The following TAFA2 variants were observed in gnomAD, a reference collection of about 807,000 sequenced individuals.
The protein encoded by TAFA2 is TAFA chemokine like family member 2, also known as chemokine-like protein TAFA-2.
TAFA2 carries 7 observed loss-of-function variants against 18.8 expected under a neutral mutation model. That is an observed-to-expected ratio of 0.37 (90% CI 0.21 to 0.70). The LOEUF (loss-of-function observed/expected upper bound fraction) is 0.70. Ranked by LOEUF, TAFA2 falls within the 30% of genes least tolerant of loss-of-function variation. The probability of loss-of-function intolerance (pLI) is 0.53; values close to 1 mark genes in which losing one functional copy is unlikely to be tolerated. For missense variants in TAFA2, 122 were observed against 158.1 expected (o/e 0.77, Z 1.23); for synonymous variants, 60 against 54.2 (o/e 1.11, Z -0.47).
intron 1 of TAFA2, among the ~76,000 whole-genome samples, chr12:62,037,086 C>G (rs1416066153): frequency 5.3e-5 from 8 of 152,112 alleles, no homozygotes; most frequent in Non-Finnish European, 1.2e-4. Flanking sequence ...TTGCTATGTA[C>G]CTGCTTATTT....
At chr12:62,081,003 C>T (rs527367658) in intron 1 of TAFA2, among the ~76,000 whole-genome samples, 1 of 152,076 alleles carries the variant, frequency 6.6e-6, no homozygotes, top group African/African-American at 2.4e-5. Context: ...GACCATTCTG[C>T]CTGACACGGT....
At chr12:62,171,553 C>T (rs1027412423) in intron 1 of TAFA2, among the ~76,000 whole-genome samples, 3 of 152,134 alleles carry the variant, frequency 2.0e-5, no homozygotes, top group Non-Finnish European at 2.9e-5. Flanking sequence ...AATGAGGGCA[C>T]ATGGGATTAG....
intron 1 of TAFA2, among the ~76,000 whole-genome samples, chr12:62,043,014 T>G (rs1397574097): frequency 6.6e-6 from 1 of 152,302 alleles, no homozygotes; most frequent in South Asian, 2.1e-4. Flanking sequence ...GGGATAGAGA[T>G]GTCAGCCACA....
chr12:62,192,337 A>G lies in TAFA2; in HGVS notation c.-1080T>C, dbSNP rs1283668319. ...CACCACCGAGGAGGTGCGAGTTCCA[A>G]CATCGAACACAAGCGAGCAGGTGTC... On this transcript the variant is annotated 5_prime_UTR_variant, in exon 1 of 5. Transcript: ENST00000416284. The G allele has an allele frequency of 6.6e-6, 1 of 152,228 alleles. No individual in the cohort carries two copies. The highest frequency in any genetic ancestry group is 1.9e-4 in the East Asian group (1 of 5,178). The allele number at this position is 152,228 out of a possible 1,614,324, so 9.4% of individuals were successfully genotyped here. A position where few individuals can be genotyped will look rare whatever the true frequency, so the allele number is the denominator to read the frequency against.
At chr12:62,243,720 GT>G (rs752320590) in intron 1 of TAFA2, among the ~76,000 whole-genome samples, 3 of 152,266 alleles carry the variant, frequency 2.0e-5, no homozygotes, top group East Asian at 3.9e-4. Context: ...ATCAAACAAA[GT>G]TAAGACACGA....
chr12:62,009,983 T>C (rs1055711132), intron 1 of TAFA2, among the ~76,000 whole-genome samples: 3 of 152,176 alleles, frequency 2.0e-5, no homozygotes, highest in African/African-American at 7.2e-5. Flanking sequence ...CAGAAAAGAA[T>C]AAAGGAGACT....
At chr12:61,772,421 A>C (rs1401926904) in intron 2 of TAFA2, among the ~76,000 whole-genome samples, 1 of 151,942 alleles carries the variant, frequency 6.6e-6, no homozygotes, top group Admixed American at 6.6e-5. Flanking sequence ...AAAGGACATA[A>C]CTAAAAAAGA....
intron 2 of TAFA2, among the ~76,000 whole-genome samples, chr12:61,773,800 C>T (rs998540137): frequency 1.3e-5 from 2 of 151,694 alleles, no homozygotes; most frequent in Admixed American, 1.3e-4. Flanking sequence ...TTAGGCAAAG[C>T]GTTCATGACC....
At chr12:61,769,605 A>T (rs1592376940) in intron 2 of TAFA2, among the ~76,000 whole-genome samples, 1 of 152,028 alleles carries the variant, frequency 6.6e-6, no homozygotes, top group South Asian at 2.1e-4. Context: ...GGAGCCCAGT[A>T]GCTCCAATGG....
At chr12:62,207,936 C>T (rs1423420658) in intron 1 of TAFA2, among the ~76,000 whole-genome samples, 2 of 152,176 alleles carry the variant, frequency 1.3e-5, no homozygotes, top group African/African-American at 4.8e-5. Context: ...CTTAATCCTC[C>T]TTCAATCCCA....
intron 1 of TAFA2, among the ~76,000 whole-genome samples, chr12:61,976,498 T>C (rs150807116): frequency 6.6e-6 from 1 of 152,108 alleles, no homozygotes; most frequent in Admixed American, 6.6e-5. Flanking sequence ...AGGCATTTAT[T>C]TTGAATCCAA....
intron 1 of TAFA2, among the ~76,000 whole-genome samples, chr12:62,000,974 G>T (rs894803104): frequency 1.3e-5 from 2 of 152,150 alleles, no homozygotes; most frequent in African/African-American, 4.8e-5. Flanking sequence ...GAAGTAAAAA[G>T]CCACAGGACC....
At chr12:61,790,700 G>T (rs542618426) in intron 2 of TAFA2, among the ~76,000 whole-genome samples, 1 of 151,920 alleles carries the variant, frequency 6.6e-6, no homozygotes, top group South Asian at 2.1e-4. Flanking sequence ...AAATGCAGAT[G>T]AAAGCAACTG....
intron 1 of TAFA2, among the ~76,000 whole-genome samples, chr12:61,942,513 G>A (rs1878079797): frequency 7.0e-6 from 1 of 142,620 alleles, no homozygotes; most frequent in East Asian, 2.1e-4. Context: ...CTGAGCTATG[G>A]GAGGACATTC....
rs987984482 is a variant in TAFA2, at chr12:62,192,205, C to G, written c.-948G>C. 1 of 152,364 alleles carries G rather than the reference C, an allele frequency of 6.6e-6. No individual in the cohort carries two copies. Among genetic ancestry groups the G allele is most frequent in the African/African-American group, 2.4e-5 (1 of 41,442 alleles). The allele number at this position is 152,364 out of a possible 1,614,324, so 9.4% of individuals were successfully genotyped here. On this transcript the variant is annotated 5_prime_UTR_variant, in exon 1 of 5. Coordinates refer to ENST00000416284, the MANE Select transcript of TAFA2 (RefSeq NM_178539.5). ...AGCCCCTCAATCCCGCCTCGAAGTGCTGCGGGCAGAGCCCCACGCAGCCCA... is the reference window on the plus strand; with the variant it reads ...AGCCCCTCAATCCCGCCTCGAAGTGGTGCGGGCAGAGCCCCACGCAGCCCA...
intron 1 of TAFA2, among the ~76,000 whole-genome samples, chr12:62,130,179 C>CCTGAGGGA (rs1266705949): frequency 6.6e-6 from 1 of 151,888 alleles, no homozygotes; most frequent in Non-Finnish European, 1.5e-5. Flanking sequence ...TGACTGGAGG[C>CCTGAGGGA]CTGAGGGACT....
chr12:62,114,458 C>T (rs1463770133), intron 1 of TAFA2, among the ~76,000 whole-genome samples: 3 of 152,160 alleles, frequency 2.0e-5, no homozygotes, highest in Non-Finnish European at 4.4e-5. Context: ...CAGGTCCCCT[C>T]ATAAAACTTT....
chr12:61,955,049 C>T (rs1403000468), intron 1 of TAFA2, among the ~76,000 whole-genome samples: 3 of 151,998 alleles, frequency 2.0e-5, no homozygotes, highest in Non-Finnish European at 4.4e-5. Context: ...ATATTGAAGT[C>T]TTGATATGGT....
At chr12:62,224,548 A>G (rs1461475503) in intron 1 of TAFA2, among the ~76,000 whole-genome samples, 2 of 151,818 alleles carry the variant, frequency 1.3e-5, no homozygotes, top group African/African-American at 4.8e-5. Context: ...AGGTAATTAT[A>G]CCTCCCAAAT....
Sources: allele counts gnomAD v4.1 joint callset (sites outside exome capture counted in the v4.1 genomes callset), GRCh38; gene constraint gnomAD v4.1.1; transcripts MANE v1.5; gene names NCBI Gene and HGNC (gene_info 2026-07-23, HGNC 2026-07-21).